Variants in RERE observed in about 807,000 individuals in gnomAD.
RERE encodes arginine-glutamic acid dipeptide repeats protein.
A neutral mutation model predicts 146.1 loss-of-function variants in RERE; 40 were observed. That is an observed-to-expected ratio of 0.27 (90% confidence interval 0.21 to 0.36). RERE has a LOEUF of 0.36. Among genes scored for constraint, RERE ranks in the 10% least tolerant of loss-of-function variants. The probability of loss-of-function intolerance (pLI) is 1.00; values close to 1 mark genes in which losing one functional copy is unlikely to be tolerated. For missense variants in RERE, 1,933 were observed against 2,138.7 expected, an observed-to-expected ratio of 0.90 and a Z score of 1.90; for synonymous variants, 1,003 against 866.0, an observed-to-expected ratio of 1.16 and a Z score of -2.78.
chr1:8,644,622 C>T (rs1477025425), intron 2 of RERE, among the ~76,000 whole-genome samples: 4 of 152,162 alleles, frequency 2.6e-5, no homozygotes, highest in Non-Finnish European at 4.4e-5. Context: ...CCAGTAATCA[C>T]CATTAGCCTA....
chr1:8,599,892 G>C lies in RERE; in HGVS notation c.522+14669C>G, dbSNP rs148620959. Among the ~76,000 whole-genome samples, 304 of 152,286 alleles carry C rather than the reference G, an allele frequency of 2.0e-3. 1 individual carries two copies. Among genetic ancestry groups the C allele is most frequent in the African/African-American group, 7.1e-3 (295 of 41,566 alleles). ...CTGTGCCATTCCTCATCCATTTGTAGAGAAACTCCTGGTCTCACAGATGTG... is the reference window on the plus strand; with the variant it reads ...CTGTGCCATTCCTCATCCATTTGTACAGAAACTCCTGGTCTCACAGATGTG... On this transcript the variant is annotated intron_variant, in intron 4 of 22. Transcript: ENST00000400908.
At chr1:8,524,960 T>C (rs553473314) in intron 7 of RERE, among the ~76,000 whole-genome samples, 8 of 152,144 alleles carry the variant, frequency 5.3e-5, no homozygotes, top group Admixed American at 4.6e-4. Context: ...AACATACACA[T>C]ATGCAAAAAA....
chr1:8,409,467 AG>A (rs1481247409), intron 12 of RERE, among the ~76,000 whole-genome samples: 1 of 152,210 alleles, frequency 6.6e-6, no homozygotes, highest in Non-Finnish European at 1.5e-5. Context: ...GAATAGAAGC[AG>A]GGGGAAGGCT....
At chr1:8,816,421 T>G (rs1192325160) in intron 1 of RERE, among the ~76,000 whole-genome samples, 1 of 152,164 alleles carries the variant, frequency 6.6e-6, no homozygotes, top group African/African-American at 2.4e-5. Flanking sequence ...TAAGCAAACC[T>G]TGGAAAAGAG....
At chr1:8,515,620 G>C (rs567679818) in intron 7 of RERE, among the ~76,000 whole-genome samples, 1 of 152,032 alleles carries the variant, frequency 6.6e-6, no homozygotes. Context: ...GACAGAGCAA[G>C]ACTGTCTCAA....
At chr1:8,659,075 T>C (rs1008556137) in intron 1 of RERE, among the ~76,000 whole-genome samples, 1 of 152,224 alleles carries the variant, frequency 6.6e-6, no homozygotes, top group African/African-American at 2.4e-5. Flanking sequence ...TTTCTAAACA[T>C]ATTTCAAGAA....
chr1:8,602,148 TG>T (rs1251251644), intron 4 of RERE, among the ~76,000 whole-genome samples: 1 of 152,122 alleles, frequency 6.6e-6, no homozygotes, highest in African/African-American at 2.4e-5. Context: ...CCCAACACTT[TG>T]GGAGGCCGAA....
chr1:8,687,413 G>A (rs1385681515), intron 1 of RERE, among the ~76,000 whole-genome samples: 1 of 152,140 alleles, frequency 6.6e-6, no homozygotes, highest in Non-Finnish European at 1.5e-5. Flanking sequence ...AAAGGACAAT[G>A]TATGAAACAG....
chr1:8,427,273 CATG>C (rs1644027747), intron 11 of RERE, among the ~76,000 whole-genome samples: 1 of 152,160 alleles, frequency 6.6e-6, no homozygotes, highest in Admixed American at 6.5e-5. Flanking sequence ...CCTCTTGCTC[CATG>C]ATGCCAAACT....
At chr1:8,536,388 G>A (rs1476441332) in intron 7 of RERE, among the ~76,000 whole-genome samples, 1 of 152,162 alleles carries the variant, frequency 6.6e-6, no homozygotes, top group Admixed American at 6.5e-5. Flanking sequence ...CAAGCCGTCA[G>A]ATTAAATGGC....
chr1:8,408,090 A>C (rs1378354760), intron 12 of RERE, among the ~76,000 whole-genome samples: 1 of 152,212 alleles, frequency 6.6e-6, no homozygotes, highest in East Asian at 1.9e-4. Flanking sequence ...CAGAGGGAGA[A>C]CATAGCTTCC....
chr1:8,561,967 G>T (rs1028460927), intron 4 of RERE, among the ~76,000 whole-genome samples: 10 of 152,308 alleles, frequency 6.6e-5, no homozygotes, highest in African/African-American at 2.2e-4. Flanking sequence ...AACTTACTAA[G>T]CTATGTGACT....
intron 1 of RERE, among the ~76,000 whole-genome samples, chr1:8,776,121 TA>T (rs566980494): frequency 1.6e-4 from 25 of 152,218 alleles, no homozygotes; most frequent in Non-Finnish European, 3.4e-4. Context: ...CCAATTGTAA[TA>T]ATCTCTAAAT....
chr1:8,728,617 G>A lies in RERE; in HGVS notation c.-144-72176C>T, dbSNP rs114369724. On this transcript the variant is annotated intron_variant, in intron 1 of 22. Coordinates refer to ENST00000400908, the MANE Select transcript of RERE (RefSeq NM_001042681.2). ...TTCCTCAAAGGACAGCACCTAAAAC[G>A]GAATTTTCTCTAGGCACCTGTGGTA... 4.7e-3 allele frequency among the ~76,000 whole-genome samples: 712 copies of A among 152,170 alleles called. 7 individuals are homozygous for A. Among genetic ancestry groups the A allele is most frequent in the African/African-American group, 0.016 (679 of 41,512 alleles).
At chr1:8,651,963 G>A (rs1647654462) in intron 2 of RERE, among the ~76,000 whole-genome samples, 1 of 152,088 alleles carries the variant, frequency 6.6e-6, no homozygotes, top group South Asian at 2.1e-4. Flanking sequence ...TTACAGGTGT[G>A]AGCCACCTTG....
At chr1:8,753,283 T>C (rs1276285310) in intron 1 of RERE, 1 of 152,236 alleles carries the variant, frequency 6.6e-6, no homozygotes, top group Non-Finnish European at 1.5e-5. Context: ...GAGTGATCTA[T>C]ACCTTTTTCA....
chr1:8,416,598 A>AAAAAGAAAAGAAAAG (rs1224760336), intron 12 of RERE, among the ~76,000 whole-genome samples: 3 of 147,680 alleles, frequency 2.0e-5, no homozygotes, highest in African/African-American at 7.6e-5. Flanking sequence ...AAAAAAAAAA[A>AAAAAGAAAAGAAAAG]AAAAGAAAAG....
chr1:8,799,538 TAATTA>T, intron 1 of RERE: 1 of 156,182 alleles, frequency 6.4e-6, no homozygotes, highest in East Asian at 1.9e-4. Flanking sequence ...ATTTTTTAAT[TAATTA>T]AATTAAAATC....
intron 4 of RERE, among the ~76,000 whole-genome samples, chr1:8,574,530 G>A (rs1375369279): frequency 1.3e-5 from 2 of 151,864 alleles, no homozygotes; most frequent in African/African-American, 4.8e-5. Context: ...TGTATTTTTA[G>A]TAGAGATAGG....
Sources: allele counts gnomAD v4.1 joint callset (sites outside exome capture counted in the v4.1 genomes callset), GRCh38; gene constraint gnomAD v4.1.1; transcripts MANE v1.5; gene names NCBI Gene and HGNC (gene_info 2026-07-23, HGNC 2026-07-21).